AMBRA1: variants seen among roughly 807,000 people sequenced by gnomAD.
AMBRA1 encodes the protein autophagy and beclin 1 regulator 1.
AMBRA1 carries 47 observed loss-of-function variants against 125.4 expected under a neutral mutation model. The ratio of observed to expected loss-of-function variants is 0.37; its 90% confidence interval spans 0.30 to 0.48. The LOEUF is 0.48. Ranked by LOEUF, AMBRA1 falls within the 20% of genes least tolerant of loss-of-function variation. The probability of loss-of-function intolerance (pLI) is 0.99; values close to 1 mark genes in which losing one functional copy is unlikely to be tolerated. For missense variants in AMBRA1, 1,331 were observed against 1,693.4 expected (o/e 0.79, Z 3.76); for synonymous variants, 626 against 655.5 (o/e 0.95, Z 0.69).
At chr11:46,463,990 G>C (rs1328785171) in intron 11 of AMBRA1, among the ~76,000 whole-genome samples, 1 of 152,226 alleles carries the variant, frequency 6.6e-6, no homozygotes, top group Admixed American at 6.5e-5. Context: ...GAAAAGGAGA[G>C]ATAGGGAGCT....
chr11:46,454,108 T>G (rs992000194), intron 11 of AMBRA1, among the ~76,000 whole-genome samples: 14 of 152,084 alleles, frequency 9.2e-5, no homozygotes, highest in Admixed American at 8.5e-4. Flanking sequence ...AATATAGCAA[T>G]GATAGTCTGA....
intron 11 of AMBRA1, among the ~76,000 whole-genome samples, chr11:46,485,331 C>T (rs997539628): frequency 2.0e-5 from 3 of 152,214 alleles, no homozygotes; most frequent in Non-Finnish European, 2.9e-5. Context: ...GCCCCACTTA[C>T]TCACGCTTAT....
At chr11:46,516,256 C>G (rs1259456280) in intron 7 of AMBRA1, among the ~76,000 whole-genome samples, 1 of 152,034 alleles carries the variant, frequency 6.6e-6, no homozygotes. Flanking sequence ...CATGAATACA[C>G]ATATACACTG....
At chr11:46,560,347 A>G (rs1319032685) in intron 1 of AMBRA1, among the ~76,000 whole-genome samples, 5 of 152,212 alleles carry the variant, frequency 3.3e-5, no homozygotes, top group Non-Finnish European at 7.3e-5. Context: ...AAAACTGAGT[A>G]AATTCTAATT....
chr11:46,399,523 C>T (rs890101763), intron 17 of AMBRA1, among the ~76,000 whole-genome samples: 1 of 152,124 alleles, frequency 6.6e-6, no homozygotes, highest in Non-Finnish European at 1.5e-5. Flanking sequence ...CCCACCACAC[C>T]TGGCTAATTT....
chr11:46,510,268 C>T (rs765409662), intron 8 of AMBRA1, among the ~76,000 whole-genome samples: 1 of 152,212 alleles, frequency 6.6e-6, no homozygotes, highest in African/African-American at 2.4e-5. Context: ...ACTGGAGGAA[C>T]TTTCATTATC....
chr11:46,532,879 G>A lies in AMBRA1; in HGVS notation c.2072+9066C>T, dbSNP rs187629888. Among the ~76,000 whole-genome samples, 1,229 of 152,266 alleles carry A rather than the reference G, an allele frequency of 8.1e-3. 4 individuals are homozygous for A. The highest frequency in any genetic ancestry group is 0.039 in the South Asian group (186 of 4,828). On this transcript the variant is annotated intron_variant, in intron 7 of 17. Transcript: ENST00000683756. The stretch of plus-strand genomic sequence containing the variant: ...TACCACTAACAACGCTCATACTCTT[G>A]GGCACTAGCAATTCCACTTCTAGAA...
chr11:46,502,978 A>C lies in AMBRA1; in HGVS notation c.2339+5213T>G, dbSNP rs111360734. Among the ~76,000 whole-genome samples, 641 of 145,178 alleles carry C rather than the reference A, an allele frequency of 4.4e-3. 3 individuals are homozygous for C. The highest frequency in any genetic ancestry group is 0.014 in the African/African-American group (536 of 39,456). On this transcript the variant is annotated intron_variant, in intron 9 of 17. Transcript: ENST00000683756. ...CAGGAGGCTGAGGCAGGAGAATGGC[A>C]TGAACCTGGGAGGCGGAGCATGCAG... is the stretch of plus-strand genomic sequence containing the variant.
intron 17 of AMBRA1, among the ~76,000 whole-genome samples, chr11:46,404,424 C>T (rs1435029845): frequency 6.6e-6 from 1 of 152,174 alleles, no homozygotes; most frequent in Non-Finnish European, 1.5e-5. Context: ...TCTGACAGCA[C>T]AATAGTGGTG....
In AMBRA1 at chr11:46,569,440, A is replaced by AAATATATATAT. The variant is rs1477022124; in HGVS notation, c.-120-20941_-120-20940insATATATATATT. 6.2e-4 allele frequency among the ~76,000 whole-genome samples: 81 copies of AAATATATATAT among 131,362 alleles called. 1 individual carries two copies. The highest frequency in any genetic ancestry group is 2.3e-3 in the African/African-American group (78 of 34,058). 86.2% of individuals were successfully genotyped at this position (131,362 alleles called of 152,430 possible). ...ATCACTGAGAGATTAAAAAAAAAAA[A>AAATATATATAT]ATATATATATATATATATATATATA... On this transcript the variant is annotated intron_variant, in intron 1 of 17. Coordinates refer to ENST00000683756, the MANE Select transcript of AMBRA1 (RefSeq NM_001387011.1).
rs1411503068 is a variant in AMBRA1 at position 46,543,342 on chromosome 11, C to T, written c.675G>A (p.Gln225=). 1 of 1,613,994 alleles carries T rather than the reference C, an allele frequency of 6.2e-7. No homozygotes were observed. Among genetic ancestry groups the T allele is most frequent in the South Asian group, 1.1e-5 (1 of 91,070 alleles). The part of the protein sequence containing the change: ...IDGTELSHYR[Q]RALLQSQPVR... ...CTGGCTGTGATTGCAGGAGGGCACG[C>T]TGACGGTAGTGGGATAATTCTGTTC... The change falls in exon 7 of 18, where the codon CAG becomes CAA. Residue 225 remains glutamine, a synonymous_variant. Coordinates refer to ENST00000683756, the MANE Select transcript of AMBRA1 (RefSeq NM_001387011.1).
intron 9 of AMBRA1, among the ~76,000 whole-genome samples, chr11:46,507,085 G>A (rs1260072111): frequency 6.8e-6 from 1 of 146,132 alleles, no homozygotes; most frequent in Non-Finnish European, 1.5e-5. Context: ...GCTGAGGCAA[G>A]AGAATGGCAT....
chr11:46,517,756 G>A (rs1228603174), intron 7 of AMBRA1, among the ~76,000 whole-genome samples: 10 of 149,710 alleles, frequency 6.7e-5, no homozygotes, highest in South Asian at 2.1e-4. Flanking sequence ...GCTTGAACCC[G>A]GGAGGCAGAG....
rs748313876 is a variant in AMBRA1, at chr11:46,417,897, A to G, written c.3116+16T>C. The G allele has an allele frequency of 1.3e-6, 2 of 1,594,718 alleles. No individual in the cohort carries two copies. The highest frequency in any genetic ancestry group is 1.7e-6 in the Non-Finnish European group (2 of 1,166,184). ...GCCCCAGTGATCCCTCAACCCCCAC[A>G]CTTTAAGCCACTTACTCTGGTCGGC... is the stretch of plus-strand genomic sequence containing the variant. On this transcript the variant is annotated intron_variant, in intron 15 of 17. Coordinates refer to ENST00000683756, the MANE Select transcript of AMBRA1 (RefSeq NM_001387011.1).
chr11:46,410,466 C>T, intron 15 of AMBRA1, 98 bp from the exon 16 acceptor site: 1 of 1,032,046 alleles, frequency 9.7e-7, no homozygotes, highest in South Asian at 1.3e-5. Context: ...ACTGTGGCTG[C>T]CCATCCTTTC....
At chr11:46,406,312 C>T (rs142821306) in intron 17 of AMBRA1, among the ~76,000 whole-genome samples, 211 of 149,616 alleles carry the variant, frequency 1.4e-3, no homozygotes, top group African/African-American at 4.7e-3. Flanking sequence ...CTCGGCCTCC[C>T]AAAGTTGCTA....
intron 11 of AMBRA1, among the ~76,000 whole-genome samples, chr11:46,463,425 A>C (rs1949186187): frequency 6.6e-6 from 1 of 152,228 alleles, no homozygotes; most frequent in Admixed American, 6.5e-5. Flanking sequence ...CAGTAACTCC[A>C]TATTAATTAA....
At chr11:46,474,520 C>A (rs1320138283) in intron 11 of AMBRA1, among the ~76,000 whole-genome samples, 1 of 152,178 alleles carries the variant, frequency 6.6e-6, no homozygotes, top group Non-Finnish European at 1.5e-5. Flanking sequence ...TCCCGAGTAG[C>A]TGGGACTACA....
chr11:46,569,440 A>ATAT lies in AMBRA1; in HGVS notation c.-120-20941_-120-20940insATA, dbSNP rs1555012051. Reference sequence around the variant, plus strand: ...ATCACTGAGAGATTAAAAAAAAAAAAATATATATATATATATATATATATA... The same window carrying ATAT: ...ATCACTGAGAGATTAAAAAAAAAAAATATATATATATATATATATATATATATA... On this transcript the variant is annotated intron_variant, in intron 1 of 17. Transcript: ENST00000683756. Among the ~76,000 whole-genome samples, 826 of 131,294 alleles carry ATAT rather than the reference A, an allele frequency of 6.3e-3. 11 individuals are homozygous for ATAT. Among genetic ancestry groups the ATAT allele is most frequent in the African/African-American group, 0.022 (740 of 33,996 alleles). 86.1% of individuals were successfully genotyped at this position (131,294 alleles called of 152,430 possible).
Sources: gnomAD v4.1 joint callset for allele counts (sites outside exome capture counted in the v4.1 genomes callset) on GRCh38, gnomAD v4.1.1 for gene constraint, MANE v1.5 for transcripts, NCBI Gene and HGNC (gene_info 2026-07-23, HGNC 2026-07-21) for gene names.